The following SLC4A4 variants were observed in gnomAD, a reference collection of about 807,000 sequenced individuals.
The protein encoded by SLC4A4 is electrogenic sodium bicarbonate cotransporter 1.
In SLC4A4, 27 loss-of-function variants were observed where a neutral mutation model predicts 111.5. The ratio of observed to expected loss-of-function variants is 0.24; its 90% CI spans 0.18 to 0.33. The LOEUF (loss-of-function observed/expected upper bound fraction) is 0.33. Among genes scored for constraint, SLC4A4 ranks in the 10% least tolerant of loss-of-function variants. SLC4A4 has a pLI of 1.00. For synonymous variants in SLC4A4, 443 were observed against 463.4 expected (o/e 0.96, Z 0.57); for missense variants, 909 against 1,315.5 (o/e 0.69, Z 4.78).
At chr4:71,331,099 G>A (rs1398288513) in intron 3 of SLC4A4, among the ~76,000 whole-genome samples, 1 of 152,122 alleles carries the variant, frequency 6.6e-6, no homozygotes, top group Non-Finnish European at 1.5e-5. Flanking sequence ...TGGAGAGGAT[G>A]TGGAGAAATA....
intron 23 of SLC4A4, among the ~76,000 whole-genome samples, chr4:71,560,641 A>T (rs949134284): frequency 6.6e-6 from 1 of 151,798 alleles, no homozygotes; most frequent in Non-Finnish European, 1.5e-5. Flanking sequence ...ATGTAATTTT[A>T]AGCCTAATGT....
chr4:71,071,497 A>G (rs1741661065), intron 1 of SLC4A4, among the ~76,000 whole-genome samples: 1 of 152,214 alleles, frequency 6.6e-6, no homozygotes, highest in Non-Finnish European at 1.5e-5. Flanking sequence ...TAGGCACAAC[A>G]TACATACAGC....
rs147651604 is a variant in SLC4A4, at chr4:71,357,144, G to A, written c.687G>A (p.Lys229=). 1.1e-3 allele frequency: 1,830 copies of A among 1,614,186 alleles called. No homozygotes were observed. The highest frequency in any genetic ancestry group is 2.5e-3 in the Middle Eastern group (15 of 6,062). Reference sequence around the variant, plus strand: ...TTCGGTCCCTGGCTGACATTGGGAAGACAGTCTCCAGTGCAAGTAGGATGT... The same window carrying A: ...TTCGGTCCCTGGCTGACATTGGGAAAACAGTCTCCAGTGCAAGTAGGATGT... ...SNLRSLADIG[K]TVSSASRMFT... is the part of the protein sequence containing the mutation. The change falls in exon 6 of 26, where the codon AAG becomes AAA. Residue 229 remains lysine (K), a synonymous_variant. Transcript: ENST00000264485.
chr4:71,167,470 T>C (rs1442286713), intron 2 of SLC4A4, among the ~76,000 whole-genome samples: 1 of 152,034 alleles, frequency 6.6e-6, no homozygotes, highest in Non-Finnish European at 1.5e-5. Context: ...GAAAGGGGAG[T>C]GGCGAGGTCA....
Position 71,450,427 on chromosome 4 carries a change from C to T in SLC4A4, c.1092C>T (p.His364=), listed in dbSNP as rs759277095. 9.3e-6 allele frequency: 15 copies of T among 1,611,992 alleles called. No homozygotes were observed. The Admixed American group carries it at 1.0e-4, about 11-fold the overall frequency. ...TTGCTTATAAAGCAAAAGACAGGCA[C>T]GACCTGATTGCTGGTATTGATGAGT... ...HDIAYKAKDR[H]DLIAGIDEFL... The change falls in exon 10 of 26, where the codon CAC becomes CAT. Residue 364 remains histidine (H), a synonymous_variant. Transcript: ENST00000264485.
intron 12 of SLC4A4, among the ~76,000 whole-genome samples, chr4:71,462,662 G>A (rs1200844517): frequency 6.6e-6 from 1 of 152,032 alleles, no homozygotes; most frequent in African/African-American, 2.4e-5. Flanking sequence ...GTCCACCTGA[G>A]CCTCCCAAAG....
chr4:71,497,525 G>A lies in SLC4A4; in HGVS notation c.1999G>A (p.Ala667Thr), dbSNP rs759762835. ...DMYHNTTFDW[A>T]FLSKKECSKY... ...GTACCATAATACTACCTTTGACTGG[G>A]CATTTTTGTCGAAGAAGGAGTGTTC... The change falls in exon 16 of 26, where the codon GCA becomes ACA. Residue 667 changes from alanine (A) to threonine (T), a missense_variant. Transcript: ENST00000264485. 8.1e-6 allele frequency: 13 copies of A among 1,613,286 alleles called. No individual in the cohort carries two copies. The East Asian group carries it at 8.9e-5, about 11-fold the overall frequency.
At chr4:71,412,976 G>A (rs545293900) in intron 7 of SLC4A4, among the ~76,000 whole-genome samples, 1 of 152,276 alleles carries the variant, frequency 6.6e-6, no homozygotes, top group Admixed American at 6.5e-5. Flanking sequence ...AGGTCAATAT[G>A]TCAGTTAAGT....
intron 3 of SLC4A4, among the ~76,000 whole-genome samples, chr4:71,338,698 G>GA: frequency 6.6e-6 from 1 of 150,784 alleles, no homozygotes; most frequent in South Asian, 2.1e-4. Context: ...GAGTGTGTTG[G>GA]AAAATGTTTT....
chr4:71,357,182 A>T lies in SLC4A4; in HGVS notation c.725A>T (p.Asp242Val). ...SSASRMFTNP[D>V]NGSPAMTHRN... The stretch of plus-strand genomic sequence containing the variant: ...GCAAGTAGGATGTTTACCAACCCTG[A>T]TAATGGTAATGCAGAGGCCAGCTGG... Residue 242 changes from aspartate to valine, a missense_variant, in exon 6 of 26, where the codon GAT becomes GTT. Coordinates refer to ENST00000264485, the MANE Select transcript of SLC4A4 (RefSeq NM_001098484.3). The T allele has an allele frequency of 1.2e-6, 2 of 1,614,052 alleles. No individual in the cohort carries two copies. Among genetic ancestry groups the T allele is most frequent in the Non-Finnish European group, 1.7e-6 (2 of 1,179,950 alleles).
chr4:71,272,686 G>A (rs1358571728), intron 3 of SLC4A4, among the ~76,000 whole-genome samples: 1 of 152,144 alleles, frequency 6.6e-6, no homozygotes, highest in Admixed American at 6.5e-5. Context: ...TATGTGCACA[G>A]TTCCACATCA....
At chr4:71,370,515 C>T (rs981160174) in intron 6 of SLC4A4, among the ~76,000 whole-genome samples, 7 of 152,152 alleles carry the variant, frequency 4.6e-5, no homozygotes, top group African/African-American at 7.2e-5. Flanking sequence ...GGTCTGAATC[C>T]TGGATCTACC....
At chr4:71,068,919 A>T (rs1741600563) in intron 1 of SLC4A4, among the ~76,000 whole-genome samples, 1 of 152,174 alleles carries the variant, frequency 6.6e-6, no homozygotes, top group Admixed American at 6.5e-5. Context: ...AATGGGAGTG[A>T]CTGATACAAA....
At chr4:71,500,091 A>G (rs1730773818) in intron 16 of SLC4A4, among the ~76,000 whole-genome samples, 1 of 152,110 alleles carries the variant, frequency 6.6e-6, no homozygotes, top group African/African-American at 2.4e-5. Context: ...ACCAACACTT[A>G]TCTTTTGTCT....
chr4:71,472,459 A>T (rs1307197445), intron 13 of SLC4A4, among the ~76,000 whole-genome samples: 1 of 151,976 alleles, frequency 6.6e-6, no homozygotes, highest in African/African-American at 2.4e-5. Flanking sequence ...AGGTTTTCAC[A>T]TATAAATGAT....
chr4:71,444,155 C>A (rs1314288475), intron 8 of SLC4A4, among the ~76,000 whole-genome samples: 1 of 152,060 alleles, frequency 6.6e-6, no homozygotes, highest in South Asian at 2.1e-4. Context: ...ATATCTTTTC[C>A]GAAAACATCA....
At chr4:71,357,600 C>T (rs551189885) in intron 6 of SLC4A4, among the ~76,000 whole-genome samples, 1 of 152,248 alleles carries the variant, frequency 6.6e-6, no homozygotes, top group Admixed American at 6.5e-5. Flanking sequence ...TTGAAATCTC[C>T]TATCACAAAG....
At chr4:71,445,891 G>A (rs1161672290) in intron 8 of SLC4A4, among the ~76,000 whole-genome samples, 2 of 152,046 alleles carry the variant, frequency 1.3e-5, no homozygotes, top group African/African-American at 4.8e-5. Flanking sequence ...AGCTTCGAAG[G>A]GACAAAAGTT....
intron 2 of SLC4A4, among the ~76,000 whole-genome samples, chr4:71,169,119 C>T (rs1007598141): frequency 2.0e-5 from 3 of 151,984 alleles, no homozygotes; most frequent in Non-Finnish European, 4.4e-5. Flanking sequence ...CCCAGATTCT[C>T]CTGCCTCAGC....
Sources: allele counts gnomAD v4.1 joint callset (sites outside exome capture counted in the v4.1 genomes callset), GRCh38; gene constraint gnomAD v4.1.1; transcripts MANE v1.5; gene names NCBI Gene and HGNC (gene_info 2026-07-23, HGNC 2026-07-21).